The following SEMA3E variants were observed in gnomAD, a reference collection of about 807,000 sequenced individuals.
SEMA3E encodes the protein semaphorin 3E.
Under a neutral mutation model 93.6 loss-of-function variants are expected in SEMA3E, and 49 were observed. The observed-to-expected ratio is 0.52, with a 90% CI of 0.42 to 0.66. The LOEUF is 0.66. Among genes scored for constraint, SEMA3E ranks in the 30% least tolerant of loss-of-function variants. The probability of loss-of-function intolerance (pLI) is 0.00; values close to 1 mark genes in which losing one functional copy is unlikely to be tolerated. For missense variants in SEMA3E, 906 were observed against 964.8 expected, an observed-to-expected ratio of 0.94 and a Z score of 0.81; for synonymous variants, 363 against 330.7, an observed-to-expected ratio of 1.10 and a Z score of -1.06.
chr7:83,394,413 T>C (rs1788080207), intron 12 of SEMA3E, 75 bp from the exon 13 acceptor site: 4 of 1,180,152 alleles, frequency 3.4e-6, no homozygotes, highest in African/African-American at 1.5e-5. Context: ...TGTAAACCCC[T>C]GAAATTACAT....
At chr7:83,461,225 G>A (rs978518453) in intron 4 of SEMA3E, among the ~76,000 whole-genome samples, 13 of 151,994 alleles carry the variant, frequency 8.6e-5, no homozygotes, top group Admixed American at 4.6e-4. Context: ...AGTGCAACTC[G>A]TCCCAAATCT....
chr7:83,618,883 T>C (rs1038014540), intron 1 of SEMA3E, among the ~76,000 whole-genome samples: 5 of 151,864 alleles, frequency 3.3e-5, no homozygotes, highest in Admixed American at 6.6e-5. Context: ...ATCTTATATT[T>C]TCATCACATA....
intron 5 of SEMA3E, among the ~76,000 whole-genome samples, chr7:83,413,477 T>C (rs1788483990): frequency 1.3e-5 from 2 of 152,344 alleles, no homozygotes; most frequent in African/African-American, 2.4e-5. Flanking sequence ...AACATTATTC[T>C]ATTGTGGATG....
chr7:83,427,440 A>C (rs564168791), intron 4 of SEMA3E, among the ~76,000 whole-genome samples: 1 of 152,168 alleles, frequency 6.6e-6, no homozygotes, highest in Non-Finnish European at 1.5e-5. Flanking sequence ...GTCTCAGTAC[A>C]ATATTTTTGC....
chr7:83,494,911 G>A (rs1790457969), intron 1 of SEMA3E, among the ~76,000 whole-genome samples: 2 of 151,946 alleles, frequency 1.3e-5, no homozygotes, highest in African/African-American at 4.8e-5. Flanking sequence ...GATTGAATGT[G>A]TTGTGAACAA....
intron 5 of SEMA3E, 99 bp from the exon 6 acceptor site, chr7:83,408,586 T>A (rs2115655611): frequency 7.8e-7 from 1 of 1,277,294 alleles, no homozygotes; most frequent in South Asian, 1.3e-5. Context: ...ATATGTACTT[T>A]ATGACATTAA....
intron 1 of SEMA3E, among the ~76,000 whole-genome samples, chr7:83,576,297 CT>C (rs1195538078): frequency 6.6e-6 from 1 of 152,082 alleles, no homozygotes; most frequent in Non-Finnish European, 1.5e-5. Context: ...ATTTATCAAC[CT>C]TTTATTGGAA....
intron 4 of SEMA3E, among the ~76,000 whole-genome samples, chr7:83,442,042 A>G (rs1789125077): frequency 6.6e-6 from 1 of 152,192 alleles, no homozygotes; most frequent in African/African-American, 2.4e-5. Context: ...AAATCTACAT[A>G]TTATGGAGAA....
At position 83,454,269 on chromosome 7, in the gene SEMA3E, AAAAAT is replaced by A. The variant is rs1456737036; in HGVS notation, c.456+12208_456+12212del. Among the ~76,000 whole-genome samples the A allele has an allele frequency of 3.1e-3, 321 of 102,630 alleles. 1 individual carries two copies. The highest frequency in any genetic ancestry group is 4.8e-3 in the Non-Finnish European group (237 of 49,292). The allele number at this position is 102,630 out of a possible 152,430, so 67.3% of individuals were successfully genotyped here. On this transcript the variant is annotated intron_variant, in intron 4 of 16. Coordinates refer to ENST00000643230, the MANE Select transcript of SEMA3E (RefSeq NM_012431.3). ...CAAGACTCCGACTCAAAAAAAAAAA[AAAAAT>A]ATATATATATATATATATATATAAT...
intron 3 of SEMA3E, among the ~76,000 whole-genome samples, chr7:83,467,057 CTTT>C (rs59059670): frequency 0.1 from 11,975 of 116,780 alleles, 536 homozygotes; most frequent in Non-Finnish European, 0.13. Flanking sequence ...AATATGCAGT[CTTT>C]TTTTTTTTTT....
intron 1 of SEMA3E, among the ~76,000 whole-genome samples, chr7:83,639,197 A>G (rs1793948373): frequency 6.7e-6 from 1 of 148,720 alleles, no homozygotes; most frequent in African/African-American, 2.5e-5. Context: ...AGCAGCTCCC[A>G]GGGAATGCTG....
intron 1 of SEMA3E, among the ~76,000 whole-genome samples, chr7:83,572,710 G>GA (rs371793924): frequency 5.9e-5 from 9 of 151,848 alleles, no homozygotes; most frequent in Admixed American, 6.6e-5. Flanking sequence ...AAAGAACCCA[G>GA]AAAAAATGCT....
At chr7:83,475,666 T>C (rs1789994861) in intron 2 of SEMA3E, among the ~76,000 whole-genome samples, 1 of 152,224 alleles carries the variant, frequency 6.6e-6, no homozygotes, top group Middle Eastern at 3.4e-3. Context: ...CCATGAGTAA[T>C]AGTCTTTCGT....
intron 4 of SEMA3E, among the ~76,000 whole-genome samples, chr7:83,454,272 A>AAAAAAAAAAAT (rs1257792756): frequency 2.7e-5 from 3 of 110,134 alleles, no homozygotes; most frequent in African/African-American, 1.3e-4. Context: ...AAAAAAAAAA[A>AAAAAAAAAAAT]ATATATATAT....
intron 4 of SEMA3E, among the ~76,000 whole-genome samples, chr7:83,436,665 C>T (rs1010955510): frequency 6.6e-6 from 1 of 152,014 alleles, no homozygotes; most frequent in African/African-American, 2.4e-5. Flanking sequence ...TCTTAAAAAT[C>T]CAAGGGTTTG....
intron 4 of SEMA3E, among the ~76,000 whole-genome samples, chr7:83,441,828 C>T (rs888590424): frequency 6.6e-6 from 1 of 152,170 alleles, no homozygotes; most frequent in Non-Finnish European, 1.5e-5. Flanking sequence ...GGATTGCGTC[C>T]TTCCAGAGAG....
intron 16 of SEMA3E, among the ~76,000 whole-genome samples, chr7:83,381,592 T>A (rs1787780521): frequency 6.6e-6 from 1 of 152,014 alleles, no homozygotes; most frequent in Admixed American, 6.6e-5. Flanking sequence ...TCTTAGTCAT[T>A]ATTGTTATTA....
chr7:83,604,766 T>C (rs980090880), intron 1 of SEMA3E, among the ~76,000 whole-genome samples: 1 of 151,924 alleles, frequency 6.6e-6, no homozygotes, highest in Non-Finnish European at 1.5e-5. Context: ...TTATTTGTAA[T>C]GATGCTCTCA....
intron 11 of SEMA3E, among the ~76,000 whole-genome samples, chr7:83,397,566 T>C (rs899806020): frequency 1.3e-5 from 2 of 152,180 alleles, no homozygotes; most frequent in Non-Finnish European, 2.9e-5. Context: ...ACCAGTCATT[T>C]AGTTTCCATA....
Sources: allele counts gnomAD v4.1 joint callset (sites outside exome capture counted in the v4.1 genomes callset), GRCh38; gene constraint gnomAD v4.1.1; transcripts MANE v1.5; gene names NCBI Gene and HGNC (gene_info 2026-07-23, HGNC 2026-07-21).